DOCK10: variants seen among roughly 807,000 people sequenced by gnomAD.
DOCK10 encodes the protein dedicator of cytokinesis 10.
A neutral mutation model predicts 280.1 loss-of-function variants in DOCK10; 145 were observed. The ratio of observed to expected loss-of-function variants is 0.52; its 90% CI spans 0.45 to 0.59. The LOEUF (loss-of-function observed/expected upper bound fraction) is 0.59, where lower values mean the gene tolerates loss of function less well. Ranked by LOEUF, DOCK10 falls within the 20% of genes least tolerant of loss-of-function variation. The pLI, the probability that DOCK10 is intolerant of heterozygous loss-of-function variation, is 0.00. For synonymous variants in DOCK10, 915 were observed against 942.2 expected, an observed-to-expected ratio of 0.97 and a Z score of 0.53; for missense variants, 2,368 against 2,651.7, an observed-to-expected ratio of 0.89 and a Z score of 2.35.
At chr2:224,837,926 A>G (rs1695701987) in intron 24 of DOCK10, 95 bp from the exon 25 acceptor site, 1 of 932,376 alleles carries the variant, frequency 1.1e-6, no homozygotes, top group Non-Finnish European at 1.7e-6. Flanking sequence ...TGGGTATTTA[A>G]TAATTACTGG....
chr2:224,861,221 T>G (rs1338336670), intron 14 of DOCK10: 4 of 152,212 alleles, frequency 2.6e-5, no homozygotes, highest in African/African-American at 4.8e-5. Context: ...TAGTTGTTCC[T>G]ATAGAAAGAG....
At chr2:224,825,551 T>C (rs1574888839) in intron 27 of DOCK10, among the ~76,000 whole-genome samples, 1 of 149,894 alleles carries the variant, frequency 6.7e-6, no homozygotes, top group Non-Finnish European at 1.5e-5. Flanking sequence ...GTTTTGTTAG[T>C]CCTCTAAAAT....
intron 33 of DOCK10, chr2:224,807,439 T>C (rs1693465497): frequency 2.8e-6 from 1 of 363,198 alleles, no homozygotes; most frequent in East Asian, 4.3e-5. Context: ...TGGAAGCTGA[T>C]ACAGAGAACA....
intron 1 of DOCK10, among the ~76,000 whole-genome samples, chr2:224,936,485 C>G (rs115174129): frequency 6.6e-4 from 101 of 152,046 alleles, no homozygotes; most frequent in Non-Finnish European, 1.1e-3. Context: ...AGGGCACCAA[C>G]TAGCTAAAAA....
chr2:224,939,714 C>A (rs1307796150), intron 1 of DOCK10, among the ~76,000 whole-genome samples: 1 of 152,208 alleles, frequency 6.6e-6, no homozygotes, highest in African/African-American at 2.4e-5. Flanking sequence ...CAGATACTAT[C>A]TTATTATTTT....
intron 1 of DOCK10, among the ~76,000 whole-genome samples, chr2:224,959,069 T>C (rs1704214593): frequency 6.6e-6 from 1 of 152,188 alleles, no homozygotes; most frequent in Non-Finnish European, 1.5e-5. Flanking sequence ...TGGTTGGCAT[T>C]AGGGAACATA....
chr2:224,991,121 G>C (rs1369050971), intron 1 of DOCK10, among the ~76,000 whole-genome samples: 1 of 152,220 alleles, frequency 6.6e-6, no homozygotes, highest in African/African-American at 2.4e-5. Context: ...TGGGCTGAAA[G>C]CTTCTTCAAG....
At position 224,794,938 on chromosome 2, in the gene DOCK10, G is replaced by A. The variant is rs923542289; in HGVS notation, c.5095C>T (p.Arg1699Cys). Reference protein sequence around the residue: ...ANSYASTPELRRTWLESMAKI... With the variant: ...ANSYASTPELCRTWLESMAKI... ...GCCATACTTTCCAGCCAGGTCCTGCGTAGTTCAGGAGTGCTTGCGTAGGAG... is the reference window on the plus strand; with the variant it reads ...GCCATACTTTCCAGCCAGGTCCTGCATAGTTCAGGAGTGCTTGCGTAGGAG... The change falls in exon 45 of 56, where the codon CGC becomes TGC. Residue 1699 changes from arginine (R) to cysteine (C), a missense_variant. This residue lies in a region of DOCK10 where 1,159 missense variants were observed against 1,400.8 expected (regional missense o/e 0.83). Transcript: ENST00000258390. 1.2e-6 allele frequency: 2 copies of A among 1,613,872 alleles called. No homozygotes were observed. Among genetic ancestry groups the A allele is most frequent in the Non-Finnish European group, 8.5e-7 (1 of 1,179,842 alleles).
intron 1 of DOCK10, among the ~76,000 whole-genome samples, chr2:224,988,956 G>A (rs1245517890): frequency 6.6e-6 from 1 of 152,156 alleles, no homozygotes; most frequent in Non-Finnish European, 1.5e-5. Context: ...TAAAATGTTG[G>A]TGAACACCAA....
chr2:224,929,818 T>A (rs1702230721), intron 2 of DOCK10, among the ~76,000 whole-genome samples: 1 of 152,150 alleles, frequency 6.6e-6, no homozygotes, highest in Admixed American at 6.5e-5. Context: ...CTGGGAGGCC[T>A]TGAAGTAGCA....
In DOCK10 at chr2:224,765,788, G is replaced by A; in HGVS notation, c.6494C>T (p.Thr2165Ile). The A allele has an allele frequency of 6.2e-7, 1 of 1,613,888 alleles. No homozygotes were observed. Among genetic ancestry groups the A allele is most frequent in the Non-Finnish European group, 8.5e-7 (1 of 1,179,874 alleles). The stretch of plus-strand genomic sequence containing the variant: ...CGGAGTTGCTTTGCTAATTACTCGA[G>A]TGCAGGTTTGGTCCACTCCGCGCTT... ...LSKRGVDQTCTRVISKATPAL... is the reference protein window; with the variant it reads ...LSKRGVDQTCIRVISKATPAL... Residue 2165 changes from threonine (T) to isoleucine (I), a missense_variant, in exon 56 of 56, where the codon ACT becomes ATT. Coordinates refer to ENST00000258390, the MANE Select transcript of DOCK10 (RefSeq NM_014689.3).
At chr2:224,837,943 GA>G in intron 24 of DOCK10, 112 bp from the exon 25 acceptor site, 1 of 797,304 alleles carries the variant, frequency 1.3e-6, no homozygotes. Flanking sequence ...CTGGGTGAAT[GA>G]ATGAACCAAT....
intron 1 of DOCK10, among the ~76,000 whole-genome samples, chr2:224,954,884 C>A (rs756453258): frequency 4.6e-5 from 7 of 152,164 alleles, no homozygotes; most frequent in African/African-American, 7.2e-5. Context: ...CGAGCTGAAG[C>A]AGATTTCTTC....
intron 1 of DOCK10, among the ~76,000 whole-genome samples, chr2:224,976,121 GAA>G (rs1705424862): frequency 6.6e-6 from 1 of 151,642 alleles, no homozygotes; most frequent in African/African-American, 2.4e-5. Flanking sequence ...GTGATTCTAC[GAA>G]AGTCACAGGA....
chr2:224,953,763 T>C (rs1703891913), intron 1 of DOCK10, among the ~76,000 whole-genome samples: 1 of 152,228 alleles, frequency 6.6e-6, no homozygotes, highest in Admixed American at 6.5e-5. Flanking sequence ...CTAAAAATGA[T>C]GGCAAAACCC....
intron 14 of DOCK10, among the ~76,000 whole-genome samples, chr2:224,858,585 C>T (rs1697298823): frequency 6.6e-6 from 1 of 152,066 alleles, no homozygotes; most frequent in Non-Finnish European, 1.5e-5. Context: ...ACCTGGGGGG[C>T]GAAGGTTGCA....
At position 224,864,583 on chromosome 2, in the gene DOCK10, T is replaced by C; in HGVS notation, c.1572A>G (p.Glu524=). The C allele has an allele frequency of 3.1e-6, 5 of 1,612,286 alleles. No individual in the cohort carries two copies. Among genetic ancestry groups the C allele is most frequent in the Non-Finnish European group, 3.4e-6 (4 of 1,179,438 alleles). ...TGGAGTCTGGGTTCTTAATATAAGG[T>C]TCGGCACCACTTGCAATGTTTCCCA... The part of the protein sequence containing the change: ...VLMGNIASGA[E]PYIKNPDSNK... Residue 524 remains glutamate (E), a synonymous_variant, in exon 13 of 56, where the codon GAA becomes GAG. Transcript: ENST00000258390.
intron 1 of DOCK10, among the ~76,000 whole-genome samples, chr2:225,028,915 C>A (rs528751914): frequency 6.6e-6 from 1 of 152,156 alleles, no homozygotes. Flanking sequence ...CCAGGTTAAG[C>A]GAATGTGTAC....
At chr2:224,983,681 C>T in intron 1 of DOCK10, 2 of 453,250 alleles carry the variant, frequency 4.4e-6, no homozygotes, top group South Asian at 3.2e-5. Flanking sequence ...AGTAATCTGT[C>T]ACAACACAGC....
Sources: allele counts gnomAD v4.1 joint callset (sites outside exome capture counted in the v4.1 genomes callset), GRCh38; gene constraint gnomAD v4.1.1; regional missense constraint gnomAD v4.1.1; transcripts MANE v1.5; gene names NCBI Gene and HGNC (gene_info 2026-07-23, HGNC 2026-07-21).